The following HIPK2 variants were observed in gnomAD, a reference collection of about 807,000 sequenced individuals.
HIPK2 encodes the protein homeodomain-interacting protein kinase 2.
A neutral mutation model predicts 113.7 loss-of-function variants in HIPK2; 27 were observed. The observed-to-expected ratio is 0.24, with a 90% CI of 0.17 to 0.33. HIPK2 has a LOEUF of 0.33. Ranked by LOEUF, HIPK2 falls within the 10% of genes least tolerant of loss-of-function variation. The pLI is 1.00. For missense variants in HIPK2, 1,257 were observed against 1,588.0 expected, an observed-to-expected ratio of 0.79 and a Z score of 3.54; for synonymous variants, 631 against 642.2, an observed-to-expected ratio of 0.98 and a Z score of 0.26.
intron 7 of HIPK2, among the ~76,000 whole-genome samples, chr7:139,615,035 GCACGTCCAAGCTCTGCTCACACTCCCCT>G (rs1799987590): frequency 6.6e-6 from 1 of 152,136 alleles, no homozygotes; most frequent in Non-Finnish European, 1.5e-5. Flanking sequence ...CTGCCAGCCT[GCACGTCCAAGCTCTGCTCACACTCCCCT>G]CGGGCCTGGT....
chr7:139,670,175 TCCTACAAGGCTGTTTGTTTTTC>T (rs1802211406), intron 2 of HIPK2, among the ~76,000 whole-genome samples: 1 of 152,318 alleles, frequency 6.6e-6, no homozygotes, highest in East Asian at 1.9e-4. Flanking sequence ...AAGGCTGTTG[TCCTACAAGGCTGTTTGTTTTTC>T]CGGGCGGGTT....
rs140547790 is a variant in HIPK2, at chr7:139,735,854, G to A, written c.20-18839C>T. Among the ~76,000 whole-genome samples the A allele has an allele frequency of 6.2e-3, 944 of 152,298 alleles. 12 individuals are homozygous for A. Among genetic ancestry groups the A allele is most frequent in the African/African-American group, 0.02 (846 of 41,540 alleles). On this transcript the variant is annotated intron_variant, in intron 1 of 14. Transcript: ENST00000406875. ...ATTCATAAGCCATCCACTGCCTACA[G>A]GACCTGGGATAGTGTGCAGATACAA... is the stretch of plus-strand genomic sequence containing the variant.
chr7:139,573,751 G>A (rs1468557805), intron 14 of HIPK2, among the ~76,000 whole-genome samples: 1 of 151,956 alleles, frequency 6.6e-6, no homozygotes, highest in Non-Finnish European at 1.5e-5. Context: ...GGTGGGCTGA[G>A]GCACAAGAAT....
At chr7:139,756,950 G>A (rs988432984) in intron 1 of HIPK2, among the ~76,000 whole-genome samples, 1 of 152,156 alleles carries the variant, frequency 6.6e-6, no homozygotes, top group Non-Finnish European at 1.5e-5. Flanking sequence ...ACAGCCCTTG[G>A]TAAACCTAGA....
At chr7:139,704,021 A>C (rs1794801286) in intron 2 of HIPK2, among the ~76,000 whole-genome samples, 2 of 106,088 alleles carry the variant, frequency 1.9e-5, no homozygotes, top group African/African-American at 3.7e-5. Flanking sequence ...TACCCCCTCC[A>C]CACCCACACT....
chr7:139,753,610 G>C (rs967986766), intron 1 of HIPK2, among the ~76,000 whole-genome samples: 1 of 152,232 alleles, frequency 6.6e-6, no homozygotes, highest in Non-Finnish European at 1.5e-5. Flanking sequence ...ATGGATCATA[G>C]TAACCAGCTT....
intron 1 of HIPK2, among the ~76,000 whole-genome samples, chr7:139,760,246 C>G (rs542614310): frequency 9.7e-4 from 148 of 152,230 alleles, no homozygotes; most frequent in Non-Finnish European, 1.9e-3. Context: ...CCTCATCATC[C>G]GCCCACCTCG....
chr7:139,729,141 T>C (rs938198696), intron 1 of HIPK2, among the ~76,000 whole-genome samples: 1 of 152,012 alleles, frequency 6.6e-6, no homozygotes, highest in Non-Finnish European at 1.5e-5. Context: ...CTGGGCAACA[T>C]GGTGAAATCC....
intron 2 of HIPK2, among the ~76,000 whole-genome samples, chr7:139,649,445 G>T (rs1185787325): frequency 6.6e-6 from 1 of 152,192 alleles, no homozygotes; most frequent in African/African-American, 2.4e-5. Flanking sequence ...AACACACTGG[G>T]GCACCTTTTC....
intron 1 of HIPK2, among the ~76,000 whole-genome samples, chr7:139,754,263 T>C (rs1191473808): frequency 2.6e-5 from 4 of 152,234 alleles, no homozygotes; most frequent in African/African-American, 9.6e-5. Flanking sequence ...AAGTCTCCGA[T>C]AGAAGGAGCA....
At chr7:139,705,356 T>C (rs1359248247) in intron 2 of HIPK2, among the ~76,000 whole-genome samples, 1 of 151,984 alleles carries the variant, frequency 6.6e-6, no homozygotes, top group Non-Finnish European at 1.5e-5. Flanking sequence ...AAGGGAAAAC[T>C]ACTACCAACT....
intron 2 of HIPK2, among the ~76,000 whole-genome samples, chr7:139,709,054 A>G (rs1039875063): frequency 2.0e-5 from 3 of 152,218 alleles, no homozygotes; most frequent in African/African-American, 7.2e-5. Context: ...GTATTTTACC[A>G]TACAGCTGAA....
chr7:139,635,582 T>C (rs978367969), intron 2 of HIPK2, among the ~76,000 whole-genome samples: 3 of 150,610 alleles, frequency 2.0e-5, no homozygotes, highest in African/African-American at 4.9e-5. Flanking sequence ...ACCAAGAAAA[T>C]GAAATGGCAG....
intron 1 of HIPK2, among the ~76,000 whole-genome samples, chr7:139,738,921 T>C (rs1429763662): frequency 1.3e-5 from 2 of 152,126 alleles, no homozygotes; most frequent in Non-Finnish European, 2.9e-5. Flanking sequence ...AAATTTTGAA[T>C]GAATATTGTG....
At chr7:139,717,384 G>A (rs182489109) in intron 1 of HIPK2, among the ~76,000 whole-genome samples, 4 of 152,260 alleles carry the variant, frequency 2.6e-5, no homozygotes, top group Admixed American at 6.5e-5. Context: ...AGGAGGCTCT[G>A]CTGTCACGTA....
chr7:139,715,796 G>A (rs915925946), intron 2 of HIPK2, 136 bp downstream of exon 2: 83 of 1,246,184 alleles, frequency 6.7e-5, no homozygotes, highest in Non-Finnish European at 8.2e-5. Context: ...TCCTAATTTC[G>A]TAAGTACATT....
At chr7:139,687,028 ACCAGCAAAAAGATT>A (rs1569474447) in intron 2 of HIPK2, among the ~76,000 whole-genome samples, 1 of 152,240 alleles carries the variant, frequency 6.6e-6, no homozygotes, top group East Asian at 1.9e-4. Context: ...AGACCCTCCA[ACCAGCAAAAAGATT>A]ATGACTCACT....
intron 2 of HIPK2, among the ~76,000 whole-genome samples, chr7:139,643,823 C>T (rs535312208): frequency 1.4e-4 from 22 of 152,212 alleles, no homozygotes; most frequent in Admixed American, 1.2e-3. Context: ...AAGATACTCA[C>T]GCTGCCCTGT....
At chr7:139,622,102 G>T (rs2116844965) in intron 6 of HIPK2, among the ~76,000 whole-genome samples, 1 of 152,158 alleles carries the variant, frequency 6.6e-6, no homozygotes, top group African/African-American at 2.4e-5. Flanking sequence ...TGCTATCTTT[G>T]GGGCTAAGCA....
Sources: allele counts gnomAD v4.1 joint callset (sites outside exome capture counted in the v4.1 genomes callset), GRCh38; gene constraint gnomAD v4.1.1; transcripts MANE v1.5; gene names NCBI Gene and HGNC (gene_info 2026-07-23, HGNC 2026-07-21).